Variants in PARD3B observed in about 807,000 individuals in gnomAD.
PARD3B encodes partitioning defective 3 homolog B.
A neutral mutation model predicts 130.2 loss-of-function variants in PARD3B; 103 were observed. The ratio of observed to expected loss-of-function variants is 0.79; its 90% CI spans 0.67 to 0.93. PARD3B has a LOEUF of 0.93. Among genes scored for constraint, PARD3B ranks in the 40% least tolerant of loss-of-function variants. The pLI is 0.00. For synonymous variants in PARD3B, 583 were observed against 553.2 expected (o/e 1.05, Z -0.76); for missense variants, 1,609 against 1,499.2 (o/e 1.07, Z -1.21).
chr2:205,471,502 C>T (rs1163502889), intron 20 of PARD3B, among the ~76,000 whole-genome samples: 1 of 151,916 alleles, frequency 6.6e-6, no homozygotes, highest in Non-Finnish European at 1.5e-5. Flanking sequence ...GCTGGGATTA[C>T]AGGCATGCGC....
intron 2 of PARD3B, among the ~76,000 whole-genome samples, chr2:204,936,008 A>G (rs1688424376): frequency 6.6e-6 from 1 of 152,244 alleles, no homozygotes; most frequent in Non-Finnish European, 1.5e-5. Context: ...AAGTGTCTAT[A>G]AACATGTACA....
chr2:205,527,165 A>C (rs1247248284), intron 21 of PARD3B, among the ~76,000 whole-genome samples: 3 of 152,206 alleles, frequency 2.0e-5, no homozygotes, highest in African/African-American at 7.2e-5. Context: ...TGCTTGATGC[A>C]GTGAAGTATG....
Position 205,550,757 on chromosome 2 carries a change from T to C in PARD3B, c.3181-2567T>C, listed in dbSNP as rs1369268198. On this transcript the variant is annotated intron_variant, in intron 21 of 22. Coordinates refer to ENST00000406610, the MANE Select transcript of PARD3B (RefSeq NM_001302769.2). The surrounding 1 kb of genome is among the most constrained non-coding windows in gnomAD (Gnocchi z 4.5). ...TTCATAGGTGTGTGTATGTATACTA[T>C]ATATAAATACATATATGTATATACA... Among the ~76,000 whole-genome samples the C allele has an allele frequency of 1.3e-5, 2 of 151,188 alleles. No homozygotes were observed. The highest frequency in any genetic ancestry group is 4.9e-5 in the African/African-American group (2 of 41,194).
At chr2:205,124,251 A>G in intron 8 of PARD3B, 76 bp from the exon 9 acceptor site, 1 of 1,161,922 alleles carries the variant, frequency 8.6e-7, no homozygotes, top group Non-Finnish European at 1.2e-6. Context: ...TAAATTAGGT[A>G]GATCTTACTG....
rs527386376 is a variant in PARD3B at position 205,380,067 on chromosome 2, C to CA, written c.2631-20931dup. The stretch of plus-strand genomic sequence containing the variant: ...TGGGCGACAGAATGAGACTCTGCCT[C>CA]AAAAAAAAAAAAAAATATGTATATA... On this transcript the variant is annotated intron_variant, in intron 18 of 22. Coordinates refer to ENST00000406610, the MANE Select transcript of PARD3B (RefSeq NM_001302769.2). 1.8e-3 allele frequency among the ~76,000 whole-genome samples: 90 copies of CA among 50,828 alleles called. 1 individual carries two copies. Among genetic ancestry groups the CA allele is most frequent in the African/African-American group, 3.0e-3 (38 of 12,462 alleles). 33.3% of individuals were successfully genotyped at this position (50,828 alleles called of 152,430 possible).
chr2:205,124,226 GA>G (rs1483823387), intron 8 of PARD3B, 100 bp from the exon 9 acceptor site: 2 of 951,798 alleles, frequency 2.1e-6, no homozygotes, highest in Admixed American at 3.0e-5. Flanking sequence ...ATATTTTACT[GA>G]TTCTATATTA....
chr2:204,816,865 G>A (rs1321287557), intron 2 of PARD3B, among the ~76,000 whole-genome samples: 1 of 151,774 alleles, frequency 6.6e-6, no homozygotes, highest in African/African-American at 2.4e-5. Context: ...AATTACATGT[G>A]TATTCAGCTC....
At chr2:205,026,434 A>C (rs531524071) in intron 3 of PARD3B, among the ~76,000 whole-genome samples, 2 of 152,174 alleles carry the variant, frequency 1.3e-5, no homozygotes, top group East Asian at 1.9e-4. Flanking sequence ...ATACATGTAC[A>C]GGGTGATGAT....
rs1559178248 is a variant in PARD3B, at chr2:205,525,047, A to C, written c.3180+25016A>C. ...CGCCAGAATAAGAGATTTCTTAGTG[A>C]TGAACCATGGCAAGAACCAGGACAG... On this transcript the variant is annotated intron_variant, in intron 21 of 22. Coordinates refer to ENST00000406610, the MANE Select transcript of PARD3B (RefSeq NM_001302769.2). The surrounding 1 kb of genome is among the most constrained non-coding windows in gnomAD (Gnocchi z 4.2). 6.6e-6 allele frequency among the ~76,000 whole-genome samples: 1 copy of C among 152,222 alleles called. No individual in the cohort carries two copies. The highest frequency in any genetic ancestry group is 2.4e-5 in the African/African-American group (1 of 41,468).
chr2:205,354,680 A>G (rs2044129531), intron 18 of PARD3B, among the ~76,000 whole-genome samples: 1 of 152,138 alleles, frequency 6.6e-6, no homozygotes, highest in Admixed American at 6.5e-5. Context: ...TGTGAGAGTG[A>G]ACTGATATTT....
chr2:205,089,033 C>A (rs1701925020), intron 4 of PARD3B, among the ~76,000 whole-genome samples: 1 of 152,016 alleles, frequency 6.6e-6, no homozygotes, highest in Non-Finnish European at 1.5e-5. Flanking sequence ...AGTCTCTTGG[C>A]CTCGTGATCC....
rs2046240029 is a variant in PARD3B, at chr2:205,401,177, AT to A, written c.2741+57del. 4 of 1,358,806 alleles carry A rather than the reference AT, an allele frequency of 2.9e-6. No homozygotes were observed. The African/African-American group carries it at 5.8e-5, about 20-fold the overall frequency. 84.2% of individuals were successfully genotyped at this position (1,358,806 alleles called of 1,614,324 possible). On this transcript the variant is annotated intron_variant, in intron 19 of 22. Transcript: ENST00000406610. ...TCTTTGACTCTATGGTCTGGGTTTA[AT>A]TTAGATATTGCAACAGTCAACTGGA...
intron 2 of PARD3B, among the ~76,000 whole-genome samples, chr2:204,931,982 G>A (rs1271638808): frequency 2.6e-5 from 4 of 151,956 alleles, no homozygotes; most frequent in African/African-American, 9.7e-5. Context: ...TAAGACATTT[G>A]ATACTAGAAA....
intron 20 of PARD3B, among the ~76,000 whole-genome samples, chr2:205,462,382 TG>T (rs1243600628): frequency 4.6e-5 from 7 of 152,262 alleles, no homozygotes; most frequent in South Asian, 2.1e-4. Flanking sequence ...ACAGTCTTAA[TG>T]TTTTTTTTGA....
intron 18 of PARD3B, among the ~76,000 whole-genome samples, chr2:205,393,846 T>C (rs2045937544): frequency 6.6e-6 from 1 of 152,146 alleles, no homozygotes; most frequent in South Asian, 2.1e-4. Context: ...ATTTGAATCA[T>C]TCATCAGCGT....
At chr2:205,586,292 T>A (rs940630879) in intron 22 of PARD3B, among the ~76,000 whole-genome samples, 1 of 152,232 alleles carries the variant, frequency 6.6e-6, no homozygotes, top group Non-Finnish European at 1.5e-5. Flanking sequence ...TTGATTGTCC[T>A]CTTTTAGAGA....
At chr2:204,862,270 A>C (rs982543085) in intron 2 of PARD3B, among the ~76,000 whole-genome samples, 1 of 152,180 alleles carries the variant, frequency 6.6e-6, no homozygotes, top group Non-Finnish European at 1.5e-5. Context: ...GGCAGCCCTC[A>C]CTGTGACTTC....
chr2:205,008,559 C>T (rs1225875537), intron 3 of PARD3B, among the ~76,000 whole-genome samples: 1 of 152,010 alleles, frequency 6.6e-6, no homozygotes, highest in Admixed American at 6.6e-5. Context: ...CACTTGATTG[C>T]TCTACTATTA....
intron 3 of PARD3B, among the ~76,000 whole-genome samples, chr2:205,006,728 A>G (rs1440442801): frequency 1.3e-5 from 2 of 152,134 alleles, no homozygotes; most frequent in Non-Finnish European, 2.9e-5. Flanking sequence ...TGTCAGATGC[A>G]TAGTTTGCGA....
Sources: gnomAD v4.1 joint callset for allele counts (sites outside exome capture counted in the v4.1 genomes callset) on GRCh38, gnomAD v4.1.1 for gene constraint, Gnocchi (gnomAD v3.1) non-coding constraint, MANE v1.5 for transcripts, NCBI Gene and HGNC (gene_info 2026-07-23, HGNC 2026-07-21) for gene names.